Variants in TMEM132D observed in about 807,000 individuals in gnomAD.
TMEM132D encodes mature OL transmembrane protein.
In TMEM132D, 21 loss-of-function variants were observed where a neutral mutation model predicts 62.3. That is an observed-to-expected ratio of 0.34 (90% CI 0.24 to 0.49). The LOEUF (loss-of-function observed/expected upper bound fraction) is 0.49, where lower values mean the gene tolerates loss of function less well. Ranked by LOEUF, TMEM132D falls within the 20% of genes least tolerant of loss-of-function variation. The pLI, the probability that TMEM132D is intolerant of heterozygous loss-of-function variation, is 0.99. For missense variants in TMEM132D, 1,346 were observed against 1,402.8 expected (o/e 0.96, Z 0.65); for synonymous variants, 621 against 575.6 (o/e 1.08, Z -1.13).
intron 4 of TMEM132D, among the ~76,000 whole-genome samples, chr12:129,218,449 G>T (rs541818238): frequency 3.9e-5 from 6 of 152,296 alleles, no homozygotes; most frequent in African/African-American, 1.4e-4. Flanking sequence ...TATGGCAGGT[G>T]ATTGCACAGA....
At chr12:129,488,206 G>A (rs1330984999) in intron 3 of TMEM132D, among the ~76,000 whole-genome samples, 1 of 152,112 alleles carries the variant, frequency 6.6e-6, no homozygotes, top group Non-Finnish European at 1.5e-5. Context: ...CATGGTCTGT[G>A]GAACTTTGTT....
rs375391438 is a variant in TMEM132D at position 129,157,299 on chromosome 12, T to C, written c.1443+52221A>G. On this transcript the variant is annotated intron_variant, in intron 5 of 8. Transcript: ENST00000422113. ...CTCTTAAAGGTCCCACATGTCAACATTGGTGCATTGGCTATCAAGTCTCCG... is the reference window on the plus strand; with the variant it reads ...CTCTTAAAGGTCCCACATGTCAACACTGGTGCATTGGCTATCAAGTCTCCG... Among the ~76,000 whole-genome samples, 337 of 152,338 alleles carry C rather than the reference T, an allele frequency of 2.2e-3. 11 individuals are homozygous for C. The South Asian group carries it at 0.062, about 28-fold the overall frequency.
At position 129,534,237 on chromosome 12, in the gene TMEM132D, G is replaced by T. The variant is rs968401771; in HGVS notation, c.969-3032C>A. 1.8e-4 allele frequency among the ~76,000 whole-genome samples: 27 copies of T among 152,144 alleles called. 1 individual carries two copies. Among genetic ancestry groups the T allele is most frequent in the African/African-American group, 6.0e-4 (25 of 41,502 alleles). On this transcript the variant is annotated intron_variant, in intron 2 of 8. Transcript: ENST00000422113. Reference sequence around the variant, plus strand: ...AGAGATAAACATAGCACTTGATTTTGAAGATACTTTGCTGTAGATTTATGC... The same window carrying T: ...AGAGATAAACATAGCACTTGATTTTTAAGATACTTTGCTGTAGATTTATGC...
At chr12:129,417,696 A>G (rs1872170759) in intron 3 of TMEM132D, among the ~76,000 whole-genome samples, 2 of 152,236 alleles carry the variant, frequency 1.3e-5, no homozygotes, top group Non-Finnish European at 2.9e-5. Flanking sequence ...GCCAAAATTG[A>G]CAAATGGGAT....
At chr12:129,800,867 A>G (rs7967390) in intron 1 of TMEM132D, among the ~76,000 whole-genome samples, 38,474 of 152,076 alleles carry the variant, frequency 0.25, 5,804 homozygotes, top group African/African-American at 0.42. Flanking sequence ...CGCACCGTGC[A>G]CCAGCCGAAG....
chr12:129,655,106 CCTGT>C (rs1163779684), intron 2 of TMEM132D, among the ~76,000 whole-genome samples: 1 of 151,936 alleles, frequency 6.6e-6, no homozygotes, highest in African/African-American at 2.4e-5. Flanking sequence ...TGCCACCATG[CCTGT>C]CTACTTTTTT....
At chr12:129,516,066 C>G (rs2137077385) in intron 3 of TMEM132D, among the ~76,000 whole-genome samples, 1 of 152,292 alleles carries the variant, frequency 6.6e-6, no homozygotes, top group South Asian at 2.1e-4. Flanking sequence ...CTTCCTCCAT[C>G]CTCAGGACTG....
chr12:129,356,140 T>C (rs1870037395), intron 3 of TMEM132D, among the ~76,000 whole-genome samples: 1 of 131,376 alleles, frequency 7.6e-6, no homozygotes, highest in South Asian at 2.6e-4. Flanking sequence ...CTAGAGAAAC[T>C]GAAGGGATTT....
chr12:129,163,125 T>C (rs1877446835), intron 5 of TMEM132D, among the ~76,000 whole-genome samples: 1 of 152,174 alleles, frequency 6.6e-6, no homozygotes, highest in South Asian at 2.1e-4. Context: ...GGGGTGGGCT[T>C]TGTACAGAAG....
intron 2 of TMEM132D, among the ~76,000 whole-genome samples, chr12:129,682,724 T>C (rs1880809727): frequency 6.6e-6 from 1 of 151,670 alleles, no homozygotes; most frequent in Admixed American, 6.6e-5. Context: ...CCGGGCGTGG[T>C]GGCGGGTGCC....
At chr12:129,190,681 A>C (rs545735071) in intron 5 of TMEM132D, among the ~76,000 whole-genome samples, 2 of 151,778 alleles carry the variant, frequency 1.3e-5, no homozygotes, top group African/African-American at 4.9e-5. Context: ...CCCCTAGAAC[A>C]TCCAGAAAAC....
rs144522806 is a variant in TMEM132D at position 129,177,716 on chromosome 12, C to T, written c.1443+31804G>A. On this transcript the variant is annotated intron_variant, in intron 5 of 8. Transcript: ENST00000422113. ...GAGACTGCAGTGAGCTATGATCGCA[C>T]CACTGCACTCCAGCCTGGGCAATAG... Among the ~76,000 whole-genome samples, 725 of 152,274 alleles carry T rather than the reference C, an allele frequency of 4.8e-3. 11 individuals carry two copies. The highest frequency in any genetic ancestry group is 0.017 in the African/African-American group (698 of 41,556).
chr12:129,826,906 A>G (rs1342444966), intron 1 of TMEM132D, among the ~76,000 whole-genome samples: 1 of 152,250 alleles, frequency 6.6e-6, no homozygotes, highest in Non-Finnish European at 1.5e-5. Context: ...CCTAGTTGTG[A>G]AAGAAAAATA....
At chr12:129,634,143 C>T (rs1879419021) in intron 2 of TMEM132D, among the ~76,000 whole-genome samples, 1 of 152,116 alleles carries the variant, frequency 6.6e-6, no homozygotes, top group South Asian at 2.1e-4. Context: ...GTCCCCTGCA[C>T]TCAGTTCAGT....
At chr12:129,261,132 G>A (rs1168123514) in intron 4 of TMEM132D, among the ~76,000 whole-genome samples, 1 of 152,204 alleles carries the variant, frequency 6.6e-6, no homozygotes, top group Non-Finnish European at 1.5e-5. Context: ...CCCACCAGCA[G>A]TGTAAAAGGG....
Position 129,800,722 on chromosome 12 carries a change from C to T in TMEM132D, c.80-100024G>A, listed in dbSNP as rs149625183. On this transcript the variant is annotated intron_variant, in intron 1 of 8. Transcript: ENST00000422113. ...ACCAGGGAGGAGGAGCCAAGATGGC[C>T]GAATAGGAACAGCTCCGGTCTACAG... 4.5e-3 allele frequency among the ~76,000 whole-genome samples: 685 copies of T among 152,134 alleles called. 8 individuals carry two copies. The highest frequency in any genetic ancestry group is 0.016 in the African/African-American group (660 of 41,518).
intron 5 of TMEM132D, among the ~76,000 whole-genome samples, chr12:129,136,997 T>A (rs1193642922): frequency 6.9e-6 from 1 of 144,624 alleles, no homozygotes; most frequent in African/African-American, 2.6e-5. Flanking sequence ...ATCAGCATCA[T>A]CAGCATCACC....
chr12:129,498,058 A>C (rs902359170), intron 3 of TMEM132D, among the ~76,000 whole-genome samples: 20 of 152,196 alleles, frequency 1.3e-4, no homozygotes, highest in Admixed American at 8.5e-4. Flanking sequence ...AAACAGAAAA[A>C]AAAATTCACA....
At chr12:129,358,410 G>A (rs999063772) in intron 3 of TMEM132D, among the ~76,000 whole-genome samples, 3 of 152,126 alleles carry the variant, frequency 2.0e-5, no homozygotes, top group Non-Finnish European at 4.4e-5. Context: ...CCTGGGCGCT[G>A]ATTCTGCACT....
Sources: allele counts gnomAD v4.1 joint callset (sites outside exome capture counted in the v4.1 genomes callset), GRCh38; gene constraint gnomAD v4.1.1; transcripts MANE v1.5; gene names NCBI Gene and HGNC (gene_info 2026-07-23, HGNC 2026-07-21).